The following SEC23IP variants were observed in gnomAD, a reference collection of about 807,000 sequenced individuals.
SEC23IP encodes the protein SEC23 interacting protein.
A neutral mutation model predicts 113.4 loss-of-function variants in SEC23IP; 70 were observed. The observed-to-expected ratio is 0.62, with a 90% CI of 0.51 to 0.75. The LOEUF is 0.75. Among genes scored for constraint, SEC23IP ranks in the 30% least tolerant of loss-of-function variants. The pLI, the probability that SEC23IP is intolerant of heterozygous loss-of-function variation, is 0.00. For missense variants in SEC23IP, 1,160 were observed against 1,204.9 expected (o/e 0.96, Z 0.55); for synonymous variants, 398 against 421.0 (o/e 0.95, Z 0.67).
intron 10 of SEC23IP, 119 bp downstream of exon 10, chr10:119,918,630 T>TTTGTTTC: frequency 1.8e-6 from 1 of 564,858 alleles, no homozygotes; most frequent in Non-Finnish European, 3.2e-6. Context: ...TTGTTTGTTT[T>TTTGTTTC]AACTGAGCCT....
intron 9 of SEC23IP, 73 bp downstream of exon 9, chr10:119,918,117 TTGTTAG>T (rs1564916356): frequency 6.8e-6 from 8 of 1,183,060 alleles, no homozygotes; most frequent in Non-Finnish European, 9.8e-6. Flanking sequence ...GTAGGTGATA[TTGTTAG>T]TGCAAAATTA....
In SEC23IP at chr10:119,938,389, G is replaced by A. The variant is rs116990069; in HGVS notation, c.*21-2197G>A. On this transcript the variant is annotated intron_variant, in intron 18 of 18. Coordinates refer to ENST00000369075, the MANE Select transcript of SEC23IP (RefSeq NM_007190.4). ...CTTTCCATTGTCAAGGAAGAGGTGC[G>A]CAGGCCTCTTTGCCATCCCTTCTGC... 6.8e-4 allele frequency among the ~76,000 whole-genome samples: 103 copies of A among 152,210 alleles called. No homozygotes were observed. In the East Asian group the frequency reaches 0.016, roughly 24 times the overall value.
chr10:119,936,891 T>G (rs1855806677), intron 18 of SEC23IP, among the ~76,000 whole-genome samples: 1 of 151,666 alleles, frequency 6.6e-6, no homozygotes, highest in Non-Finnish European at 1.5e-5. Context: ...TATTTTATTT[T>G]ATTTTATTTT....
chr10:119,938,837 C>T (rs1855876693), intron 18 of SEC23IP, among the ~76,000 whole-genome samples: 1 of 152,176 alleles, frequency 6.6e-6, no homozygotes, highest in African/African-American at 2.4e-5. Context: ...TCTTCTTACA[C>T]TTGGCTGTAA....
Position 119,892,865 on chromosome 10 carries a change from C to A in SEC23IP, c.83C>A (p.Ala28Asp), listed in dbSNP as rs539365765. The A allele has an allele frequency of 6.2e-7, 1 of 1,614,114 alleles. No homozygotes were observed. The highest frequency in any genetic ancestry group is 1.1e-5 in the South Asian group (1 of 91,072). The change falls in exon 1 of 19, where the codon GCC becomes GAC. Residue 28 changes from alanine (A) to aspartate (D), a missense_variant. Ala to Asp is a moderately radical substitution (Grantham distance 126). Transcript: ENST00000369075. ...ACTAACTTACTTTTCTCCTCCTCGGCCACGGAGTTCAGCTTCAATGTGCCC... is the reference window on the plus strand; with the variant it reads ...ACTAACTTACTTTTCTCCTCCTCGGACACGGAGTTCAGCTTCAATGTGCCC... ...SGTNLLFSSSATEFSFNVPFI... is the reference protein window; with the variant it reads ...SGTNLLFSSSDTEFSFNVPFI...
intron 3 of SEC23IP, 126 bp from the exon 4 acceptor site, chr10:119,903,958 G>A (rs1854576390): frequency 4.3e-6 from 4 of 922,874 alleles, no homozygotes; most frequent in Non-Finnish European, 6.5e-6. Context: ...GACCGCAAGT[G>A]ATCCACCTCT....
intron 3 of SEC23IP, among the ~76,000 whole-genome samples, chr10:119,903,869 T>G (rs543154576): frequency 5.6e-4 from 86 of 152,278 alleles, no homozygotes; most frequent in African/African-American, 2.0e-3. Flanking sequence ...TATAGGCGTG[T>G]GCCACCACGC....
chr10:119,912,642 CTTTTTTT>C (rs760515822), intron 6 of SEC23IP, among the ~76,000 whole-genome samples: 5 of 116,426 alleles, frequency 4.3e-5, no homozygotes, highest in African/African-American at 1.2e-4. Flanking sequence ...TTTTCTTTTT[CTTTTTTT>C]TTTTTTTTTC....
intron 2 of SEC23IP, among the ~76,000 whole-genome samples, chr10:119,902,310 G>A (rs1854524212): frequency 6.6e-6 from 1 of 152,144 alleles, no homozygotes. Flanking sequence ...TTGCGCCGTT[G>A]CACTCCAGGC....
chr10:119,899,569 G>A (rs566484158), intron 2 of SEC23IP, among the ~76,000 whole-genome samples: 1 of 152,300 alleles, frequency 6.6e-6, no homozygotes, highest in Non-Finnish European at 1.5e-5. Flanking sequence ...TTTCAGTGTG[G>A]TGGAGATAGC....
intron 2 of SEC23IP, among the ~76,000 whole-genome samples, chr10:119,900,378 C>T (rs1431321168): frequency 6.6e-6 from 1 of 151,406 alleles, no homozygotes; most frequent in African/African-American, 2.4e-5. Context: ...GGCATGGTAA[C>T]GGCTCACTGT....
chr10:119,899,126 C>T (rs1854392090), intron 2 of SEC23IP, among the ~76,000 whole-genome samples, 167 bp downstream of exon 2: 1 of 152,126 alleles, frequency 6.6e-6, no homozygotes, highest in South Asian at 2.1e-4. Context: ...TTAAAGATAG[C>T]TTATTGGATG....
At chr10:119,939,751 A>C (rs1250317910) in intron 18 of SEC23IP, among the ~76,000 whole-genome samples, 1 of 152,208 alleles carries the variant, frequency 6.6e-6, no homozygotes, top group Non-Finnish European at 1.5e-5. Flanking sequence ...GTGTGAGTGC[A>C]GTGGCGCAAT....
At chr10:119,916,924 G>A (rs1025749674) in intron 8 of SEC23IP, among the ~76,000 whole-genome samples, 9 of 151,650 alleles carry the variant, frequency 5.9e-5, no homozygotes, top group Admixed American at 2.6e-4. Context: ...TCTGGAGTGC[G>A]CTGGCATGAT....
intron 1 of SEC23IP, among the ~76,000 whole-genome samples, chr10:119,897,342 A>G (rs1564902880): frequency 6.6e-6 from 1 of 152,274 alleles, no homozygotes; most frequent in South Asian, 2.1e-4. Context: ...ACTTGGTAGT[A>G]GAACAGAAGC....
intron 12 of SEC23IP, among the ~76,000 whole-genome samples, chr10:119,925,522 A>G (rs1411866017): frequency 2.0e-5 from 3 of 152,174 alleles, no homozygotes; most frequent in Non-Finnish European, 4.4e-5. Context: ...ATTTCTAAAA[A>G]GGACATGTAA....
chr10:119,935,427 C>T (rs1269100805), intron 18 of SEC23IP, among the ~76,000 whole-genome samples: 3 of 152,038 alleles, frequency 2.0e-5, no homozygotes, highest in African/African-American at 7.2e-5. Flanking sequence ...CGCCACTGCA[C>T]TCCGGCCTGG....
chr10:119,900,456 C>A (rs1027665494), intron 2 of SEC23IP, among the ~76,000 whole-genome samples: 3 of 151,856 alleles, frequency 2.0e-5, no homozygotes, highest in Non-Finnish European at 4.4e-5. Flanking sequence ...ACCACAGGCA[C>A]ATGCTGCCAT....
Position 119,892,776 on chromosome 10 carries a change from C to T in SEC23IP, c.-7C>T, listed in dbSNP as rs748529370. On this transcript the variant is annotated 5_prime_UTR_variant, in exon 1 of 19. Transcript: ENST00000369075. ...CGGAGACGTGTATCGGACGGTGGGC[C>T]GCAGCCATGGCCGAGAGAAAACCTA... 4.4e-6 allele frequency: 7 copies of T among 1,602,980 alleles called. No individual in the cohort carries two copies. The highest frequency in any genetic ancestry group is 1.7e-5 in the Admixed American group (1 of 58,784).
Sources: gnomAD v4.1 joint callset for allele counts (sites outside exome capture counted in the v4.1 genomes callset) on GRCh38, gnomAD v4.1.1 for gene constraint, MANE v1.5 for transcripts, NCBI Gene and HGNC (gene_info 2026-07-23, HGNC 2026-07-21) for gene names.